Variants in RGS20 observed in about 807,000 individuals in gnomAD.
The protein encoded by RGS20 is regulator of G protein signaling 20, also known as gz-selective GTPase-activating protein.
Under a neutral mutation model 33.6 loss-of-function variants are expected in RGS20, and 30 were observed. The ratio of observed to expected loss-of-function variants is 0.89; its 90% confidence interval spans 0.67 to 1.21. The LOEUF (loss-of-function observed/expected upper bound fraction) is 1.21. Among genes scored for constraint, RGS20 ranks in the 50% most tolerant of loss-of-function variants. The probability of loss-of-function intolerance (pLI) is 0.00; values close to 1 mark genes in which losing one functional copy is unlikely to be tolerated. For synonymous variants in RGS20, 208 were observed against 197.9 expected, an observed-to-expected ratio of 1.05 and a Z score of -0.43; for missense variants, 472 against 502.4, an observed-to-expected ratio of 0.94 and a Z score of 0.58.
intron 2 of RGS20, among the ~76,000 whole-genome samples, chr8:53,892,523 A>G (rs1224325400): frequency 6.6e-6 from 1 of 152,110 alleles, no homozygotes; most frequent in East Asian, 1.9e-4. Context: ...AAATCATGCA[A>G]CTCTTTATGC....
intron 2 of RGS20, among the ~76,000 whole-genome samples, chr8:53,935,864 A>G (rs567643640): frequency 6.6e-4 from 100 of 152,344 alleles, no homozygotes; most frequent in African/African-American, 2.1e-3. Context: ...ATACTGGCAA[A>G]CCGAATCCAG....
At chr8:53,875,439 AAAAAAAAAAAACCAAAAAAACC>A (rs1812180515) in intron 1 of RGS20, among the ~76,000 whole-genome samples, 1 of 148,942 alleles carries the variant, frequency 6.7e-6, no homozygotes, top group South Asian at 2.3e-4. Flanking sequence ...CAAAAAAAAA[AAAAAAAAAAAACCAAAAAAACC>A]AAAAAAACTA....
chr8:53,956,650 AC>A (rs1814873799), intron 5 of RGS20, among the ~76,000 whole-genome samples: 1 of 152,130 alleles, frequency 6.6e-6, no homozygotes, highest in South Asian at 2.1e-4. Flanking sequence ...TTGCGTCGTT[AC>A]GTTTTGCTTT....
At chr8:53,940,873 T>C (rs1585944317) in intron 3 of RGS20, among the ~76,000 whole-genome samples, 1 of 152,062 alleles carries the variant, frequency 6.6e-6, no homozygotes, top group Non-Finnish European at 1.5e-5. Context: ...AACACGTGGG[T>C]GTCCAGGGCC....
chr8:53,921,025 G>T (rs554441217), intron 2 of RGS20, among the ~76,000 whole-genome samples: 2 of 152,220 alleles, frequency 1.3e-5, no homozygotes, highest in African/African-American at 2.4e-5. Flanking sequence ...CTCCCAAAGT[G>T]CTGGGATAAC....
chr8:53,954,947 A>G (rs1814824628), intron 5 of RGS20, among the ~76,000 whole-genome samples: 1 of 151,072 alleles, frequency 6.6e-6, no homozygotes, highest in Non-Finnish European at 1.5e-5. Flanking sequence ...TAGCCTCCCA[A>G]AGTGCTGGGA....
chr8:53,958,222 G>A, intron 5 of RGS20, 48 bp from the exon 5 acceptor site: 2 of 1,354,286 alleles, frequency 1.5e-6, no homozygotes, highest in Non-Finnish European at 2.0e-6. Context: ...TTGGGATAGA[G>A]ATACAACTGA....
intron 2 of RGS20, among the ~76,000 whole-genome samples, chr8:53,895,938 C>G (rs150578002): frequency 6.6e-6 from 1 of 151,862 alleles, no homozygotes; most frequent in Non-Finnish European, 1.5e-5. Context: ...TGAGCCACCA[C>G]GCCCAGCCAA....
At chr8:53,950,400 T>A (rs1258641311) in intron 4 of RGS20, among the ~76,000 whole-genome samples, 1 of 152,102 alleles carries the variant, frequency 6.6e-6, no homozygotes. Context: ...TTTTTCAGAT[T>A]TCGGAATATT....
Position 53,946,666 on chromosome 8 carries a change from C to G in RGS20, c.661C>G (p.Leu221Val), listed in dbSNP as rs879419746. The change falls in exon 4 of 6, where the codon CTC (leucine) becomes GTC (valine). Residue 221 changes from leucine (L) to valine (V), a missense_variant and splice_region_variant. By Grantham distance (32) the Leu-to-Val change is conservative. Around this residue, in one of 3 missense-constraint regions of RGS20, gnomAD observed 319 missense variants for 283.4 expected, o/e 1.13. Coordinates refer to ENST00000297313, the MANE Select transcript of RGS20 (RefSeq NM_170587.4). The stretch of plus-strand genomic sequence containing the variant: ...CATGTGAATGTCTTTTTTTTGCAGT[C>G]TCACTGTTAGAAACCAGGAAGATCA... 3.7e-6 allele frequency: 6 copies of G among 1,609,462 alleles called. No individual in the cohort carries two copies. The highest frequency in any genetic ancestry group is 5.1e-6 in the Non-Finnish European group (6 of 1,177,840).
rs80225536 is a variant in RGS20 at position 53,918,061 on chromosome 8, G to C, written c.511-21515G>C. 3.8e-3 allele frequency among the ~76,000 whole-genome samples: 573 copies of C among 152,226 alleles called. 4 individuals carry two copies. Among genetic ancestry groups the C allele is most frequent in the African/African-American group, 0.012 (516 of 41,518 alleles). ...CTTAGTCATGCCATAGCATGTATGA[G>C]TCCTGCATTCCTTTTATAAAATTGT... On this transcript the variant is annotated intron_variant, in intron 2 of 5. Coordinates refer to ENST00000297313, the MANE Select transcript of RGS20 (RefSeq NM_170587.4).
intron 1 of RGS20, among the ~76,000 whole-genome samples, chr8:53,856,880 T>A (rs1257626005): frequency 6.6e-6 from 1 of 152,116 alleles, no homozygotes; most frequent in Non-Finnish European, 1.5e-5. Flanking sequence ...TTTTGAGACC[T>A]TATACACAGA....
At chr8:53,913,367 A>T (rs576872215) in intron 2 of RGS20, 1 of 152,356 alleles carries the variant, frequency 6.6e-6, no homozygotes, top group African/African-American at 2.4e-5. Context: ...AGAAGCATTA[A>T]AGTGGCTTCA....
intron 2 of RGS20, among the ~76,000 whole-genome samples, chr8:53,926,326 G>T (rs1813794042): frequency 6.6e-6 from 1 of 152,168 alleles, no homozygotes; most frequent in African/African-American, 2.4e-5. Flanking sequence ...TCCCCTGATG[G>T]TAGGATCCTG....
chr8:53,930,802 G>A (rs1813933181), intron 2 of RGS20, among the ~76,000 whole-genome samples: 1 of 152,116 alleles, frequency 6.6e-6, no homozygotes, highest in African/African-American at 2.4e-5. Flanking sequence ...GCCTGCCTCG[G>A]CCTCCCAAGG....
At chr8:53,954,579 G>T (rs916270975) in intron 5 of RGS20, among the ~76,000 whole-genome samples, 1 of 151,800 alleles carries the variant, frequency 6.6e-6, no homozygotes, top group African/African-American at 2.4e-5. Context: ...CAGGAGAATC[G>T]CTTGAACCTA....
intron 3 of RGS20, among the ~76,000 whole-genome samples, chr8:53,942,601 G>T (rs914478272): frequency 6.6e-6 from 1 of 152,084 alleles, no homozygotes; most frequent in Non-Finnish European, 1.5e-5. Context: ...GTTCTAAAGG[G>T]TATAGACAGG....
chr8:53,933,827 T>G (rs1422079152), intron 2 of RGS20: 1 of 151,874 alleles, frequency 6.6e-6, no homozygotes, highest in African/African-American at 2.4e-5. Context: ...AAGGTTGAAA[T>G]GAAGGAAAAA....
intron 2 of RGS20, among the ~76,000 whole-genome samples, chr8:53,924,898 G>A (rs1255602040): frequency 1.3e-5 from 2 of 152,204 alleles, no homozygotes; most frequent in Non-Finnish European, 2.9e-5. Context: ...CCTCAGCAGA[G>A]GTCAGCTACA....
Sources: gnomAD v4.1 joint callset for allele counts (sites outside exome capture counted in the v4.1 genomes callset) on GRCh38, gnomAD v4.1.1 for gene constraint, gnomAD v4.1.1 regional missense constraint, MANE v1.5 for transcripts, NCBI Gene and HGNC (gene_info 2026-07-23, HGNC 2026-07-21) for gene names.